The following ST3GAL3 variants were observed in gnomAD, a reference collection of about 807,000 sequenced individuals.
ST3GAL3 encodes the protein ST3 beta-galactoside alpha-2,3-sialyltransferase 3.
A neutral mutation model predicts 50.1 loss-of-function variants in ST3GAL3; 21 were observed. The ratio of observed to expected loss-of-function variants is 0.42; its 90% CI spans 0.30 to 0.60. The LOEUF (loss-of-function observed/expected upper bound fraction) is 0.60, where lower values mean the gene tolerates loss of function less well. Ranked by LOEUF, ST3GAL3 falls within the 20% of genes least tolerant of loss-of-function variation. The probability of loss-of-function intolerance (pLI) is 0.19; values close to 1 mark genes in which losing one functional copy is unlikely to be tolerated. For missense variants in ST3GAL3, 353 were observed against 489.4 expected (o/e 0.72, Z 2.63); for synonymous variants, 183 against 190.0 (o/e 0.96, Z 0.30).
rs752327430 is a variant in ST3GAL3 at position 43,899,597 on chromosome 1, T to C, written c.614T>C (p.Leu205Pro). ...FEKDVGSKTT[L>P]RITYPEGAMQ... ...AAGGACGTGGGCAGCAAAACGACAC[T>C]GCGCATCACCTACCCCGAGGGCGCC... Residue 205 changes from leucine to proline, a missense_variant, in exon 9 of 12, where the codon CTG becomes CCG. Transcript: ENST00000347631. The surrounding 1 kb of genome is among the most constrained non-coding windows in gnomAD (Gnocchi z 5.4). 6.2e-7 allele frequency: 1 copy of C among 1,614,112 alleles called. No homozygotes were observed. Among genetic ancestry groups the C allele is most frequent in the South Asian group, 1.1e-5 (1 of 91,080 alleles).
At chr1:43,845,979 T>TAA (rs2066189217) in intron 5 of ST3GAL3, among the ~76,000 whole-genome samples, 4 of 152,240 alleles carry the variant, frequency 2.6e-5, no homozygotes, top group African/African-American at 4.8e-5. Flanking sequence ...TTCTGATTTA[T>TAA]TTTTGCTGTG....
chr1:43,719,256 C>T (rs899335669), intron 1 of ST3GAL3: 3 of 152,142 alleles, frequency 2.0e-5, no homozygotes, highest in Non-Finnish European at 4.4e-5. Flanking sequence ...GAAATAAGCA[C>T]ATAGAAAGAG....
chr1:43,908,108 C>G (rs1256360651), intron 9 of ST3GAL3, among the ~76,000 whole-genome samples: 1 of 152,228 alleles, frequency 6.6e-6, no homozygotes, highest in East Asian at 1.9e-4. Flanking sequence ...ATTCTTAAAA[C>G]TCATGGCCAA....
At chr1:43,859,963 G>A (rs1052963980) in intron 5 of ST3GAL3, among the ~76,000 whole-genome samples, 15 of 152,180 alleles carry the variant, frequency 9.9e-5, no homozygotes, top group Admixed American at 8.5e-4. Context: ...TCACCCTTAG[G>A]CCGCTTCTGA....
At chr1:43,727,487 AAG>A (rs1673515278) in intron 1 of ST3GAL3, 1 of 152,186 alleles carries the variant, frequency 6.6e-6, no homozygotes, top group South Asian at 2.1e-4. Flanking sequence ...AGGGTAATAA[AAG>A]ATCCTTGACT....
chr1:43,922,965 G>C (rs1008743948), intron 11 of ST3GAL3, among the ~76,000 whole-genome samples: 2 of 151,740 alleles, frequency 1.3e-5, no homozygotes, highest in Non-Finnish European at 1.5e-5. Context: ...GCCGGGCATG[G>C]TGGCAGGTGC....
At chr1:43,719,251 A>G (rs1172067970) in intron 1 of ST3GAL3, 1 of 152,248 alleles carries the variant, frequency 6.6e-6, no homozygotes, top group Non-Finnish European at 1.5e-5. Context: ...GTAAAGAAAT[A>G]AGCACATAGA....
At chr1:43,810,115 G>A (rs1233556784) in intron 3 of ST3GAL3, among the ~76,000 whole-genome samples, 3 of 152,050 alleles carry the variant, frequency 2.0e-5, no homozygotes, top group African/African-American at 7.2e-5. Context: ...TAATACATGT[G>A]TTATTGGAGC....
At chr1:43,845,729 G>A (rs2066144309) in intron 5 of ST3GAL3, among the ~76,000 whole-genome samples, 1 of 151,356 alleles carries the variant, frequency 6.6e-6, no homozygotes, top group African/African-American at 2.4e-5. Context: ...TAGGCTAGAA[G>A]GTTAGATCAT....
intron 2 of ST3GAL3, among the ~76,000 whole-genome samples, chr1:43,758,360 C>T (rs1166463867): frequency 6.6e-6 from 1 of 152,122 alleles, no homozygotes; most frequent in Admixed American, 6.5e-5. Flanking sequence ...AGGCAATCCT[C>T]CCACCTCAGT....
At chr1:43,894,521 A>C (rs762175484) in intron 6 of ST3GAL3, 44 bp downstream of exon 6, 2 of 1,557,456 alleles carry the variant, frequency 1.3e-6, no homozygotes, top group Admixed American at 3.3e-5. Context: ...CATCCCCCCG[A>C]CTGTCTCCCT....
chr1:43,806,441 A>G (rs2059894287), intron 3 of ST3GAL3, among the ~76,000 whole-genome samples: 1 of 152,110 alleles, frequency 6.6e-6, no homozygotes, highest in South Asian at 2.1e-4. Context: ...AAAAGCAATG[A>G]CGGGATAGGG....
intron 5 of ST3GAL3, among the ~76,000 whole-genome samples, chr1:43,866,079 C>T (rs966468120): frequency 1.3e-5 from 2 of 152,240 alleles, no homozygotes; most frequent in African/African-American, 2.4e-5. Context: ...CTGCCCCACA[C>T]TCCCATATAT....
chr1:43,884,637 C>G lies in ST3GAL3; in HGVS notation c.303-9746C>G, dbSNP rs985646343. On this transcript the variant is annotated intron_variant, in intron 5 of 11. Coordinates refer to ENST00000347631, the MANE Select transcript of ST3GAL3 (RefSeq NM_006279.5). Reference sequence around the variant, plus strand: ...TGGCTTCATCCTGTTGGATGACAGTCTCACCTTGTGGGAGCCAAGGCCTGT... The same window carrying G: ...TGGCTTCATCCTGTTGGATGACAGTGTCACCTTGTGGGAGCCAAGGCCTGT... Among the ~76,000 whole-genome samples, 4 of 152,216 alleles carry G rather than the reference C, an allele frequency of 2.6e-5. No individual in the cohort carries two copies. In the South Asian group the frequency reaches 8.3e-4, roughly 31 times the overall value.
At chr1:43,780,044 T>G (rs1698855526) in intron 2 of ST3GAL3, among the ~76,000 whole-genome samples, 1 of 152,156 alleles carries the variant, frequency 6.6e-6, no homozygotes, top group African/African-American at 2.4e-5. Flanking sequence ...GTGGTATATC[T>G]CATTTCCTGG....
chr1:43,767,680 G>C (rs577400169), intron 2 of ST3GAL3, among the ~76,000 whole-genome samples: 2 of 145,412 alleles, frequency 1.4e-5, no homozygotes, highest in African/African-American at 5.1e-5. Context: ...AAACTTGGGT[G>C]GGGGGGTAGG....
chr1:43,743,014 C>T (rs1681659256), intron 2 of ST3GAL3, among the ~76,000 whole-genome samples: 1 of 150,798 alleles, frequency 6.6e-6, no homozygotes, highest in Non-Finnish European at 1.5e-5. Flanking sequence ...AGGAGAATTG[C>T]TTGAGGCGGA....
chr1:43,858,932 G>T (rs990547746), intron 5 of ST3GAL3, among the ~76,000 whole-genome samples: 7 of 152,254 alleles, frequency 4.6e-5, no homozygotes, highest in Admixed American at 6.5e-5. Flanking sequence ...CTTCTGCCCT[G>T]ATGCAGGCAA....
chr1:43,784,970 G>A (rs1249926392), intron 2 of ST3GAL3, among the ~76,000 whole-genome samples: 1 of 152,030 alleles, frequency 6.6e-6, no homozygotes, highest in African/African-American at 2.4e-5. Flanking sequence ...CTGTTTTCTT[G>A]TCCATATTAT....
Sources: allele counts gnomAD v4.1 joint callset (sites outside exome capture counted in the v4.1 genomes callset), GRCh38; gene constraint gnomAD v4.1.1; non-coding constraint Gnocchi (gnomAD v3.1); transcripts MANE v1.5; gene names NCBI Gene and HGNC (gene_info 2026-07-23, HGNC 2026-07-21).